Variants in KCNN2 observed in about 807,000 individuals in gnomAD.
The protein encoded by KCNN2 is potassium calcium-activated channel subfamily N member 2, also known as small conductance calcium-activated potassium channel protein 2.
Under a neutral mutation model 55.5 loss-of-function variants are expected in KCNN2, and 24 were observed. That is an observed-to-expected ratio of 0.43 (90% CI 0.31 to 0.61). The LOEUF is 0.61. Ranked by LOEUF, KCNN2 falls within the 20% of genes least tolerant of loss-of-function variation. The probability of loss-of-function intolerance (pLI) is 0.08; values close to 1 mark genes in which losing one functional copy is unlikely to be tolerated. For synonymous variants in KCNN2, 431 were observed against 336.1 expected (o/e 1.28, Z -3.09); for missense variants, 754 against 853.6 (o/e 0.88, Z 1.45).
intron 3 of KCNN2, among the ~76,000 whole-genome samples, chr5:114,411,647 G>A (rs1377691888): frequency 6.6e-6 from 1 of 152,132 alleles, no homozygotes; most frequent in Admixed American, 6.6e-5. Context: ...GAGGAAGAAT[G>A]TCCCAGCTCC....
intron 1 of KCNN2, among the ~76,000 whole-genome samples, chr5:114,139,101 A>G (rs1294408825): frequency 1.3e-5 from 2 of 152,180 alleles, no homozygotes; most frequent in Non-Finnish European, 2.9e-5. Flanking sequence ...ATGTCTCATA[A>G]TGGAGGACAG....
chr5:114,323,425 T>G (rs1026394457), intron 2 of KCNN2, among the ~76,000 whole-genome samples: 4 of 152,132 alleles, frequency 2.6e-5, no homozygotes, highest in African/African-American at 7.2e-5. Flanking sequence ...TTATCATGAG[T>G]TGACATTTCA....
intron 1 of KCNN2, among the ~76,000 whole-genome samples, chr5:114,062,045 G>A (rs956930506): frequency 1.3e-5 from 2 of 151,352 alleles, no homozygotes; most frequent in Non-Finnish European, 2.9e-5. Flanking sequence ...TTCTCATACA[G>A]AATACATCAT....
At chr5:114,151,586 A>G (rs1752525092) in intron 1 of KCNN2, among the ~76,000 whole-genome samples, 1 of 152,176 alleles carries the variant, frequency 6.6e-6, no homozygotes, top group South Asian at 2.1e-4. Flanking sequence ...ACCTGTTTTG[A>G]TCAATCACAT....
chr5:114,164,256 A>G (rs952409150), intron 1 of KCNN2, among the ~76,000 whole-genome samples: 3 of 152,212 alleles, frequency 2.0e-5, no homozygotes, highest in Admixed American at 2.0e-4. Context: ...CATTAGGATG[A>G]GGACAAATAT....
chr5:114,152,401 C>CA (rs1487191111), intron 1 of KCNN2, among the ~76,000 whole-genome samples: 1 of 152,002 alleles, frequency 6.6e-6, no homozygotes, highest in Non-Finnish European at 1.5e-5. Flanking sequence ...CAAATAAACT[C>CA]AAAAAAGATT....
chr5:114,226,887 C>A (rs1393094285), intron 2 of KCNN2, among the ~76,000 whole-genome samples: 2 of 118,528 alleles, frequency 1.7e-5, no homozygotes, highest in Non-Finnish European at 3.2e-5. Flanking sequence ...GGCAACACAG[C>A]GAGACTCCGT....
chr5:114,319,470 A>G (rs1004828368), intron 2 of KCNN2, among the ~76,000 whole-genome samples: 1 of 152,194 alleles, frequency 6.6e-6, no homozygotes, highest in Non-Finnish European at 1.5e-5. Context: ...GAACTCTGTC[A>G]TATATAGCAA....
chr5:114,461,401 C>CT (rs1393279872), intron 3 of KCNN2, among the ~76,000 whole-genome samples: 1 of 152,158 alleles, frequency 6.6e-6, no homozygotes, highest in Non-Finnish European at 1.5e-5. Context: ...GCCACAGAAA[C>CT]TTGCAGGATG....
Position 114,293,308 on chromosome 5 carries a change from GTA to G in KCNN2, c.-184-67635_-184-67634del, listed in dbSNP as rs1463289563. Among the ~76,000 whole-genome samples the G allele has an allele frequency of 5.9e-5, 9 of 152,192 alleles. 1 individual carries two copies. The East Asian group carries it at 1.5e-3, about 26-fold the overall frequency. On this transcript the variant is annotated intron_variant, in intron 2 of 10. Transcript: ENST00000512097. ...AATGCTTCCAGTTTTTGCCCATTCA[GTA>G]TGATATTGGCTGTGGGTTTGTCATA...
chr5:114,489,202 C>T (rs1747725516), intron 6 of KCNN2, among the ~76,000 whole-genome samples: 2 of 152,110 alleles, frequency 1.3e-5, no homozygotes, highest in Admixed American at 1.3e-4. Context: ...GTTCAGAATA[C>T]ATTCACATTC....
At chr5:114,412,651 G>C (rs557606064) in intron 3 of KCNN2, among the ~76,000 whole-genome samples, 1 of 152,168 alleles carries the variant, frequency 6.6e-6, no homozygotes, top group Non-Finnish European at 1.5e-5. Flanking sequence ...CATTTTCCTG[G>C]TCTGCCAGCC....
At chr5:114,062,608 A>G (rs993694078) in intron 1 of KCNN2, among the ~76,000 whole-genome samples, 1 of 152,216 alleles carries the variant, frequency 6.6e-6, no homozygotes, top group Non-Finnish European at 1.5e-5. Flanking sequence ...AAATCCTAGT[A>G]AGAAATTTGT....
intron 1 of KCNN2, among the ~76,000 whole-genome samples, chr5:114,198,104 T>A (rs1753595833): frequency 2.0e-5 from 3 of 152,152 alleles, no homozygotes; most frequent in Non-Finnish European, 2.9e-5. Context: ...TGAATTTTTT[T>A]AAATAAATAG....
At chr5:114,358,005 G>A (rs1259028658), upstream of KCNN2, among the ~76,000 whole-genome samples, 1 of 151,000 alleles carries the variant, frequency 6.6e-6, no homozygotes, top group East Asian at 2.0e-4. Context: ...ACTGGTGTGA[G>A]ATGGTATCTC....
intron 2 of KCNN2, among the ~76,000 whole-genome samples, chr5:114,328,109 C>T (rs1449092645): frequency 6.6e-6 from 1 of 152,190 alleles, no homozygotes; most frequent in Admixed American, 6.5e-5. Context: ...TTTTATTCTA[C>T]ATCACTGTCA....
intron 2 of KCNN2, among the ~76,000 whole-genome samples, chr5:114,378,508 G>C (rs1364667836): frequency 6.6e-6 from 1 of 152,176 alleles, no homozygotes; most frequent in Non-Finnish European, 1.5e-5. Flanking sequence ...GCAGATTTTT[G>C]TAGGTGCAAG....
chr5:114,070,287 G>T (rs2112524344), intron 1 of KCNN2, among the ~76,000 whole-genome samples: 1 of 152,296 alleles, frequency 6.6e-6, no homozygotes, highest in Non-Finnish European at 1.5e-5. Flanking sequence ...AACTCCCCAG[G>T]AGGGGGCAGG....
Position 114,238,524 on chromosome 5 carries a change from A to T in KCNN2, c.-185+16959A>T, listed in dbSNP as rs943927967. The stretch of plus-strand genomic sequence containing the variant: ...ACTTGTAGTCCCAGCTACTCGGGGG[A>T]CTGAGGCAGGAGAATCGCTTGAACC... On this transcript the variant is annotated intron_variant, in intron 2 of 10. Coordinates refer to the KCNN2 transcript ENST00000512097. Among the ~76,000 whole-genome samples the T allele has an allele frequency of 4.6e-5, 7 of 151,790 alleles. No homozygotes were observed. The South Asian group carries it at 1.3e-3, about 27-fold the overall frequency.
Sources: allele counts gnomAD v4.1 joint callset (sites outside exome capture counted in the v4.1 genomes callset), GRCh38; gene constraint gnomAD v4.1.1; transcripts MANE v1.5; gene names NCBI Gene and HGNC (gene_info 2026-07-23, HGNC 2026-07-21).